The following CELF2 variants were observed in gnomAD, a reference collection of about 807,000 sequenced individuals.
The protein encoded by CELF2 is CUGBP Elav-like family member 2.
In CELF2, 8 loss-of-function variants were observed where a neutral mutation model predicts 62.6. The ratio of observed to expected loss-of-function variants is 0.13; its 90% CI spans 0.07 to 0.23. The LOEUF is 0.23. CELF2 is among the 10% of genes least tolerant of loss of function. CELF2 has a pLI of 1.00. For missense variants in CELF2, 333 were observed against 671.0 expected, an observed-to-expected ratio of 0.50 and a Z score of 5.56; for synonymous variants, 258 against 250.0, an observed-to-expected ratio of 1.03 and a Z score of -0.30.
intron 2 of CELF2, among the ~76,000 whole-genome samples, chr10:10,987,902 T>C (rs1358998025): frequency 1.3e-5 from 2 of 152,068 alleles, no homozygotes; most frequent in Non-Finnish European, 2.9e-5. Context: ...ACATTAAAAC[T>C]ACACTGAGAT....
At chr10:10,597,543 T>A in the CELF2 span, among the ~76,000 whole-genome samples, 1 of 152,180 alleles carries the variant, frequency 6.6e-6, no homozygotes, top group Non-Finnish European at 1.5e-5. Flanking sequence ...TCAACTCTAA[T>A]GACTAAGAGA....
chr10:11,037,713 C>T (rs112798832), intron 1 of CELF2, among the ~76,000 whole-genome samples: 17 of 152,270 alleles, frequency 1.1e-4, no homozygotes, highest in African/African-American at 3.8e-4. Flanking sequence ...CAGTATTGTA[C>T]GAGGTGAAGG....
rs1045876668 is a variant in CELF2, at chr10:11,005,468, T to G, written c.53+28T>G. The G allele has an allele frequency of 2.5e-6, 4 of 1,613,884 alleles. No homozygotes were observed. In the South Asian group the frequency reaches 4.4e-5, roughly 18 times the overall value. On this transcript the variant is annotated intron_variant, in intron 1 of 12. Transcript: ENST00000416382. The surrounding 1 kb of genome is among the most constrained non-coding windows in gnomAD (Gnocchi z 4.3). ...ATGTTGTTGTGTCCTTTGTTTTTAA[T>G]GCACGCTTTTCTAGTTTCTAGAGCT...
intron 2 of CELF2, among the ~76,000 whole-genome samples, chr10:11,186,296 C>CCT (rs2074872763): frequency 1.7e-5 from 2 of 115,502 alleles, no homozygotes; most frequent in African/African-American, 6.4e-5. Flanking sequence ...GGTTTTGTTG[C>CCT]TTTTTTTTTT....
chr10:11,267,489 A>G lies in CELF2; in HGVS notation c.618+812A>G, dbSNP rs2082472849. On this transcript the variant is annotated intron_variant, in intron 6 of 12. Coordinates refer to ENST00000633077, the MANE Select transcript of CELF2 (RefSeq NM_001326342.2). This position sits in a 1 kb window ranked among gnomAD's most constrained non-coding sequence, Gnocchi z 4.4. ...GTCTGATAGAATCATTTGGGAGTGC[A>G]TGTTCTGCTGTATTATGTATACTGT... is the stretch of plus-strand genomic sequence containing the variant. 6.6e-6 allele frequency among the ~76,000 whole-genome samples: 1 copy of G among 152,170 alleles called. No individual in the cohort carries two copies. The highest frequency in any genetic ancestry group is 1.5e-5 in the Non-Finnish European group (1 of 68,030).
intron 7 of CELF2, among the ~76,000 whole-genome samples, chr10:11,272,179 C>T (rs2084064558): frequency 6.6e-6 from 1 of 152,232 alleles, no homozygotes; most frequent in Admixed American, 6.5e-5. Flanking sequence ...CTAGCAAAAG[C>T]ATTGGCTCAG....
upstream of CELF2, among the ~76,000 whole-genome samples, chr10:11,016,057 A>C (rs2137689900): frequency 6.6e-6 from 1 of 152,320 alleles, no homozygotes; most frequent in Admixed American, 6.5e-5. The surrounding 1 kb of genome is among the most constrained non-coding windows in gnomAD (Gnocchi z 5.2). Context: ...CCTTTCTTAA[A>C]ATAATTTTTA....
the CELF2 span, among the ~76,000 whole-genome samples, chr10:10,711,746 G>T: frequency 6.6e-6 from 1 of 152,104 alleles, no homozygotes; most frequent in Admixed American, 6.5e-5. Flanking sequence ...GTCAGGCATG[G>T]TGGTGCATGC....
chr10:11,079,693 C>T (rs1215493368), intron 1 of CELF2, among the ~76,000 whole-genome samples: 1 of 151,896 alleles, frequency 6.6e-6, no homozygotes, highest in African/African-American at 2.4e-5. Flanking sequence ...TTATAAATTA[C>T]TCAGTCTTGG....
intron 6 of CELF2, 67 bp downstream of exon 6, chr10:11,266,744 CTCCTGTGTGGAT>C: frequency 1.6e-6 from 2 of 1,283,786 alleles, no homozygotes; most frequent in Non-Finnish European, 2.3e-6. Context: ...AAGCAATTCT[CTCCTGTGTGGAT>C]TGTTCACATG....
rs2055090440 is a variant in CELF2 at position 11,005,522 on chromosome 10, A to G, written c.53+82A>G. The G allele has an allele frequency of 1.2e-6, 2 of 1,604,266 alleles. No individual in the cohort carries two copies. The highest frequency in any genetic ancestry group is 1.7e-6 in the Non-Finnish European group (2 of 1,171,760). On this transcript the variant is annotated intron_variant, in intron 1 of 12. Transcript: ENST00000416382. This position sits in a 1 kb window ranked among gnomAD's most constrained non-coding sequence, Gnocchi z 4.3. ...TGAGACAATAATTATGCTCTGAATC[A>G]AGTAGCTTCCTTACCTTAGAAGAGA...
intron 1 of CELF2, among the ~76,000 whole-genome samples, chr10:11,044,243 G>A (rs142667494): frequency 9.9e-5 from 15 of 152,160 alleles, no homozygotes; most frequent in East Asian, 9.7e-4. Flanking sequence ...TTGCTTTTCC[G>A]TATTGTCTAC....
At chr10:11,163,550 C>G (rs1405222378) in intron 1 of CELF2, among the ~76,000 whole-genome samples, 2 of 152,140 alleles carry the variant, frequency 1.3e-5, no homozygotes, top group African/African-American at 4.8e-5. Context: ...CAATCTGGCT[C>G]TAATATAAAC....
At chr10:11,254,143 T>C (rs1361156886) in intron 4 of CELF2, among the ~76,000 whole-genome samples, 1 of 152,260 alleles carries the variant, frequency 6.6e-6, no homozygotes, top group East Asian at 1.9e-4. Context: ...TTTACAAAGC[T>C]GTTAGGGACC....
At position 11,280,063 on chromosome 10, in the gene CELF2, G is replaced by A. The variant is rs1590480367; in HGVS notation, c.841+4943G>A. ...ACGCGCCCTTGCCTCTCGGTCTGGT[G>A]CCCTTTCAGGATGAGCGTGTGGGAT... On this transcript the variant is annotated intron_variant, in intron 8 of 12. Coordinates refer to ENST00000633077, the MANE Select transcript of CELF2 (RefSeq NM_001326342.2). The surrounding 1 kb of genome is among the most constrained non-coding windows in gnomAD (Gnocchi z 7.6). Among the ~76,000 whole-genome samples the A allele has an allele frequency of 2.0e-5, 3 of 152,314 alleles. No homozygotes were observed. Among genetic ancestry groups the A allele is most frequent in the Admixed American group, 2.0e-4 (3 of 15,310 alleles).
intron 2 of CELF2, among the ~76,000 whole-genome samples, chr10:10,967,734 C>T (rs528389236): frequency 1.3e-5 from 2 of 151,860 alleles, no homozygotes; most frequent in African/African-American, 4.8e-5. Context: ...GGAAGCAAGA[C>T]CTGGGAGCAA....
rs914843700 is a variant in CELF2 at position 11,329,220 on chromosome 10, C to G, written c.*167C>G. 3.8e-6 allele frequency: 2 copies of G among 527,002 alleles called. No individual in the cohort carries two copies. Among genetic ancestry groups the G allele is most frequent in the South Asian group, 9.3e-5 (2 of 21,528 alleles). The allele number at this position is 527,002 out of a possible 1,614,324, so 32.6% of individuals were successfully genotyped here. A position where few individuals can be genotyped will look rare whatever the true frequency, so the allele number is the denominator to read the frequency against. On this transcript the variant is annotated 3_prime_UTR_variant, in exon 13 of 13. Transcript: ENST00000633077. The surrounding 1 kb of genome is among the most constrained non-coding windows in gnomAD (Gnocchi z 5.5). Reference sequence around the variant, plus strand: ...TCCATGTCCCCACCCACTTCCCCTACCCAGTTTGCCATAATTAAAACTTGG... The same window carrying G: ...TCCATGTCCCCACCCACTTCCCCTAGCCAGTTTGCCATAATTAAAACTTGG...
chr10:10,929,997 C>T (rs367832330), intron 2 of CELF2, among the ~76,000 whole-genome samples: 4 of 152,190 alleles, frequency 2.6e-5, no homozygotes, highest in Non-Finnish European at 5.9e-5. Flanking sequence ...AAATACTGCC[C>T]GCCTATCACG....
At chr10:10,623,898 A>G in the CELF2 span, among the ~76,000 whole-genome samples, 2 of 152,180 alleles carry the variant, frequency 1.3e-5, no homozygotes, top group African/African-American at 4.8e-5. Flanking sequence ...CAATGAGTTG[A>G]ACTGGTGAGC....
Sources: gnomAD v4.1 joint callset for allele counts (sites outside exome capture counted in the v4.1 genomes callset) on GRCh38, gnomAD v4.1.1 for gene constraint, Gnocchi (gnomAD v3.1) non-coding constraint, MANE v1.5 for transcripts, NCBI Gene and HGNC (gene_info 2026-07-23, HGNC 2026-07-21) for gene names.